Variants in PLEKHH2 observed in about 807,000 individuals in gnomAD.
PLEKHH2 encodes the protein pleckstrin homology domain-containing family H member 2.
A neutral mutation model predicts 187.9 loss-of-function variants in PLEKHH2; 129 were observed. The ratio of observed to expected loss-of-function variants is 0.69; its 90% CI spans 0.59 to 0.79. PLEKHH2 has a LOEUF of 0.79. Ranked by LOEUF, PLEKHH2 falls within the 30% of genes least tolerant of loss-of-function variation. PLEKHH2 has a pLI of 0.00. For missense variants in PLEKHH2, 2,076 were observed against 1,751.2 expected (o/e 1.19, Z -3.31); for synonymous variants, 686 against 605.6 (o/e 1.13, Z -1.95).
intron 19 of PLEKHH2, among the ~76,000 whole-genome samples, 198 bp from the exon 20 acceptor site, chr2:43,738,143 C>T (rs1479971337): frequency 1.3e-5 from 2 of 152,142 alleles, no homozygotes; most frequent in African/African-American, 4.8e-5. Context: ...TTATCTCTGG[C>T]AGAATTCCTT....
At chr2:43,754,957 C>A (rs1304499943) in intron 25 of PLEKHH2, among the ~76,000 whole-genome samples, 1 of 151,438 alleles carries the variant, frequency 6.6e-6, no homozygotes, top group Non-Finnish European at 1.5e-5. Flanking sequence ...ACTGTAACCC[C>A]CACCTCCCGG....
In PLEKHH2 at chr2:43,743,960, T is replaced by A. The variant is rs1185649349; in HGVS notation, c.3526T>A (p.Leu1176Ile). The part of the protein sequence containing the change: ...LFTDDPSGRD[L>I]EHCLQGNIKI... ...CACTGACGATCCTTCTGGCAGAGAT[T>A]TAGAGCATTGTCTTCAAGGAAACAT... The change falls in exon 23 of 30, where the codon TTA becomes ATA. Residue 1176 changes from leucine to isoleucine, a missense_variant. Leu to Ile is a conservative substitution (Grantham distance 5, BLOSUM62 2). Transcript: ENST00000282406. 8.1e-6 allele frequency: 13 copies of A among 1,614,008 alleles called. No homozygotes were observed. Among genetic ancestry groups the A allele is most frequent in the Non-Finnish European group, 1.1e-5 (13 of 1,179,928 alleles).
At chr2:43,686,932 T>C (rs1324459213) in intron 3 of PLEKHH2, among the ~76,000 whole-genome samples, 1 of 151,994 alleles carries the variant, frequency 6.6e-6, no homozygotes, top group Admixed American at 6.6e-5. Flanking sequence ...GTCCCTCTCC[T>C]TATTTACAGC....
At chr2:43,678,133 C>G (rs1667953819) in intron 2 of PLEKHH2, among the ~76,000 whole-genome samples, 1 of 149,632 alleles carries the variant, frequency 6.7e-6, no homozygotes, top group Admixed American at 6.6e-5. Context: ...CAGAGGCGCT[C>G]CCCACATCTC....
intron 7 of PLEKHH2, among the ~76,000 whole-genome samples, chr2:43,698,918 A>G (rs1163156573): frequency 6.6e-6 from 1 of 152,234 alleles, no homozygotes; most frequent in Non-Finnish European, 1.5e-5. Context: ...TGATTAAACC[A>G]AAAGTAGAGC....
intron 21 of PLEKHH2, among the ~76,000 whole-genome samples, chr2:43,742,307 A>G (rs949091109): frequency 6.7e-6 from 1 of 149,104 alleles, no homozygotes; most frequent in African/African-American, 2.5e-5. Context: ...TGGCCTGAAG[A>G]CATTTTTTTT....
At chr2:43,704,586 C>T (rs1441773184) in intron 9 of PLEKHH2, among the ~76,000 whole-genome samples, 6 of 143,806 alleles carry the variant, frequency 4.2e-5, no homozygotes, top group South Asian at 4.4e-4. Flanking sequence ...TGGCGTGAAC[C>T]GAGGAGGTGG....
chr2:43,668,224 G>A (rs578034120), intron 2 of PLEKHH2, among the ~76,000 whole-genome samples: 4 of 152,260 alleles, frequency 2.6e-5, no homozygotes, highest in East Asian at 1.9e-4. Context: ...TAGAGACAAG[G>A]TTTTATCATG....
At chr2:43,708,685 C>G (rs1000030662) in intron 11 of PLEKHH2, among the ~76,000 whole-genome samples, 1 of 152,172 alleles carries the variant, frequency 6.6e-6, no homozygotes, top group African/African-American at 2.4e-5. Context: ...TTGCTCTATC[C>G]CTAGCATCTA....
intron 28 of PLEKHH2, among the ~76,000 whole-genome samples, chr2:43,762,909 G>A (rs901411587): frequency 2.0e-5 from 3 of 151,950 alleles, no homozygotes; most frequent in African/African-American, 4.8e-5. Context: ...CATATTTCAT[G>A]TGTCTAATTA....
chr2:43,736,144 G>A (rs1329331446), intron 19 of PLEKHH2, among the ~76,000 whole-genome samples: 4 of 152,052 alleles, frequency 2.6e-5, no homozygotes, highest in African/African-American at 4.8e-5. Context: ...TGGTATATTT[G>A]TATACCCAGA....
Position 43,753,676 on chromosome 2 carries a change from G to GTCCTACAT in PLEKHH2, c.3712_3713insCCTACATT (p.Tyr1238SerfsTer11). ...CTGATAGAGAAAAGTTGCTGTTAAT[G>GTCCTACAT]TATCAGACAAATGATCAAATCATAA... On this transcript the variant is annotated frameshift_variant, in exon 25 of 30. Transcript: ENST00000282406. LOFTEE classifies it high-confidence loss of function. 6.3e-7 allele frequency: 1 copy of GTCCTACAT among 1,580,940 alleles called. No individual in the cohort carries two copies. Among genetic ancestry groups the GTCCTACAT allele is most frequent in the South Asian group, 1.2e-5 (1 of 82,710 alleles).
chr2:43,762,827 T>C (rs2104630710), intron 28 of PLEKHH2, among the ~76,000 whole-genome samples: 1 of 152,324 alleles, frequency 6.6e-6, no homozygotes, highest in Non-Finnish European at 1.5e-5. Context: ...CTTAGCACTT[T>C]TCACATAGTT....
At chr2:43,755,775 T>C (rs1672189803) in intron 25 of PLEKHH2, among the ~76,000 whole-genome samples, 1 of 152,170 alleles carries the variant, frequency 6.6e-6, no homozygotes, top group South Asian at 2.1e-4. Context: ...TGGAGCACCT[T>C]ACACGTGGTC....
In PLEKHH2 at chr2:43,676,270, A is replaced by G. The variant is rs760140097; in HGVS notation, c.124-2593A>G. 141 of 1,613,652 alleles carry G rather than the reference A, an allele frequency of 8.7e-5. No homozygotes were observed. The South Asian group carries it at 1.4e-3, about 16-fold the overall frequency. Reference sequence around the variant, plus strand: ...AAACATAGTTATCAAAACCCAGGAAATGCTCCCAAGCAACATACCCTTAAA... The same window carrying G: ...AAACATAGTTATCAAAACCCAGGAAGTGCTCCCAAGCAACATACCCTTAAA... On this transcript the variant is annotated intron_variant, in intron 2 of 29. Transcript: ENST00000282406.
At chr2:43,643,767 A>T (rs1185912061) in intron 1 of PLEKHH2, among the ~76,000 whole-genome samples, 1 of 152,098 alleles carries the variant, frequency 6.6e-6, no homozygotes, top group Non-Finnish European at 1.5e-5. Flanking sequence ...CTGCTTATTA[A>T]AAATAGCCTG....
At chr2:43,646,695 TTTTATTATTAATTTTTA>T (rs1558408985) in intron 2 of PLEKHH2, among the ~76,000 whole-genome samples, 1 of 152,144 alleles carries the variant, frequency 6.6e-6, no homozygotes. Context: ...AAAATAGCTT[TTTTATTATTAATTTTTA>T]TGCTATCAGA....
intron 16 of PLEKHH2, among the ~76,000 whole-genome samples, chr2:43,725,972 G>A (rs1321483570): frequency 6.6e-6 from 1 of 150,812 alleles, no homozygotes; most frequent in African/African-American, 2.4e-5. Context: ...TTTTTAATTA[G>A]CTGGGCATGG....
At chr2:43,683,418 T>TG (rs1668336080) in intron 3 of PLEKHH2, among the ~76,000 whole-genome samples, 1 of 152,076 alleles carries the variant, frequency 6.6e-6, no homozygotes, top group African/African-American at 2.4e-5. Flanking sequence ...GTGTTACAGG[T>TG]GTGAGCCACC....
Sources: allele counts gnomAD v4.1 joint callset (sites outside exome capture counted in the v4.1 genomes callset), GRCh38; gene constraint gnomAD v4.1.1; transcripts MANE v1.5; gene names NCBI Gene and HGNC (gene_info 2026-07-23, HGNC 2026-07-21).